PTPRN2: variants seen among roughly 807,000 people sequenced by gnomAD.
PTPRN2 encodes protein tyrosine phosphatase receptor type N2.
Under a neutral mutation model 118.8 loss-of-function variants are expected in PTPRN2, and 74 were observed. That is an observed-to-expected ratio of 0.62 (90% CI 0.52 to 0.76). PTPRN2 has a LOEUF of 0.76. Ranked by LOEUF, PTPRN2 falls within the 30% of genes least tolerant of loss-of-function variation. The probability of loss-of-function intolerance (pLI) is 0.00; values close to 1 mark genes in which losing one functional copy is unlikely to be tolerated. For synonymous variants in PTPRN2, 641 were observed against 608.0 expected (o/e 1.05, Z -0.80); for missense variants, 1,481 against 1,394.4 (o/e 1.06, Z -0.99).
chr7:158,128,148 G>A (rs1312088830), intron 9 of PTPRN2, among the ~76,000 whole-genome samples: 1 of 152,172 alleles, frequency 6.6e-6, no homozygotes. Context: ...TGCCATCTGT[G>A]TCTTGGAAAT....
At chr7:157,542,348 G>T (rs1331671803) in intron 22 of PTPRN2, among the ~76,000 whole-genome samples, 1 of 152,142 alleles carries the variant, frequency 6.6e-6, no homozygotes, top group Non-Finnish European at 1.5e-5. Context: ...ATTAAGCGTG[G>T]CTTTTTGGGA....
intron 11 of PTPRN2, chr7:158,030,487 T>C (rs1364352799): frequency 6.6e-6 from 1 of 152,238 alleles, no homozygotes; most frequent in African/African-American, 2.4e-5. Flanking sequence ...GATTTGGAAA[T>C]GGTCTCCGAA....
At chr7:158,019,551 T>G (rs1404566275) in intron 11 of PTPRN2, among the ~76,000 whole-genome samples, 7 of 152,220 alleles carry the variant, frequency 4.6e-5, no homozygotes, top group Non-Finnish European at 1.0e-4. Context: ...TTTTCCTTCC[T>G]TAGTATCTTT....
chr7:157,786,194 G>T (rs1804027562), intron 12 of PTPRN2, among the ~76,000 whole-genome samples: 1 of 152,218 alleles, frequency 6.6e-6, no homozygotes, highest in Non-Finnish European at 1.5e-5. Flanking sequence ...ACGGGGAACG[G>T]CACAGGTAAT....
intron 2 of PTPRN2, among the ~76,000 whole-genome samples, chr7:158,318,568 C>T (rs547831870): frequency 6.6e-6 from 1 of 152,298 alleles, no homozygotes; most frequent in African/African-American, 2.4e-5. Flanking sequence ...AGGCCAGGGC[C>T]GGCGGCCTCT....
At chr7:157,544,092 AAGAGAGGCGGAGAGAGGTGG>A (rs1563198726) in intron 22 of PTPRN2, among the ~76,000 whole-genome samples, 2 of 81,914 alleles carry the variant, frequency 2.4e-5, no homozygotes, top group African/African-American at 9.6e-5. Flanking sequence ...GAGAGAGGTG[AAGAGAGGCGGAGAGAGGTGG>A]AGAGAGATGG....
intron 22 of PTPRN2, among the ~76,000 whole-genome samples, chr7:157,547,697 G>A (rs1012464417): frequency 1.3e-5 from 2 of 152,160 alleles, no homozygotes; most frequent in Non-Finnish European, 2.9e-5. Flanking sequence ...ACGCAGCCAC[G>A]CAGAAGCCTC....
At chr7:158,342,216 A>G (rs1366710402) in intron 2 of PTPRN2, among the ~76,000 whole-genome samples, 3 of 118,462 alleles carry the variant, frequency 2.5e-5, no homozygotes, top group Non-Finnish European at 5.0e-5. Context: ...CACACACGTC[A>G]CTCACACTCA....
intron 12 of PTPRN2, among the ~76,000 whole-genome samples, chr7:157,730,087 C>T (rs1799807563): frequency 6.6e-6 from 1 of 152,134 alleles, no homozygotes; most frequent in South Asian, 2.1e-4. Flanking sequence ...GTAAAGTCCA[C>T]ATTCGCATAA....
chr7:158,445,599 T>C (rs1487220336), intron 2 of PTPRN2, among the ~76,000 whole-genome samples: 1 of 152,144 alleles, frequency 6.6e-6, no homozygotes, highest in African/African-American at 2.4e-5. Flanking sequence ...CCCCAGCCCA[T>C]AACGGGGCCG....
intron 2 of PTPRN2, among the ~76,000 whole-genome samples, chr7:158,364,146 GC>G (rs1563203221): frequency 1.3e-5 from 2 of 150,970 alleles, no homozygotes; most frequent in Admixed American, 1.3e-4. Context: ...GGTCTGCAGA[GC>G]CCCCATCCTC....
intron 12 of PTPRN2, among the ~76,000 whole-genome samples, chr7:157,875,827 G>A (rs1168966946): frequency 3.0e-4 from 45 of 151,212 alleles, no homozygotes; most frequent in Middle Eastern, 3.4e-3. Flanking sequence ...AGGAGGGGCC[G>A]AGCCCCCAGG....
At chr7:158,522,235 A>G (rs868236347) in intron 1 of PTPRN2, among the ~76,000 whole-genome samples, 18 of 49,402 alleles carry the variant, frequency 3.6e-4, no homozygotes, top group South Asian at 8.9e-4. Context: ...GTGGCTCAGG[A>G]GGGAGGTCCA....
At chr7:157,872,976 GTC>G (rs764017969) in intron 12 of PTPRN2, among the ~76,000 whole-genome samples, 4 of 152,140 alleles carry the variant, frequency 2.6e-5, no homozygotes, top group Admixed American at 6.5e-5. Flanking sequence ...ACACTTTTCT[GTC>G]TGCACTAGAA....
At chr7:158,420,293 A>C (rs975619503) in intron 2 of PTPRN2, among the ~76,000 whole-genome samples, 3 of 152,170 alleles carry the variant, frequency 2.0e-5, no homozygotes, top group African/African-American at 7.2e-5. Context: ...TCTTCAGCCA[A>C]CACCACAGGC....
chr7:157,939,509 G>C (rs1424328818), intron 11 of PTPRN2, among the ~76,000 whole-genome samples: 1 of 152,276 alleles, frequency 6.6e-6, no homozygotes, highest in African/African-American at 2.4e-5. Flanking sequence ...AGCTCACCAA[G>C]TGCCAGGATT....
At chr7:158,212,917 T>C (rs1347863934) in intron 3 of PTPRN2, among the ~76,000 whole-genome samples, 1 of 152,196 alleles carries the variant, frequency 6.6e-6, no homozygotes, top group Non-Finnish European at 1.5e-5. Context: ...AAGAGCTTTA[T>C]AACAAGGGTG....
intron 2 of PTPRN2, among the ~76,000 whole-genome samples, chr7:158,394,023 T>G (rs912213481): frequency 3.5e-5 from 5 of 142,958 alleles, no homozygotes; most frequent in African/African-American, 1.3e-4. Flanking sequence ...CCCACCCCCA[T>G]GGACACCTCG....
intron 12 of PTPRN2, among the ~76,000 whole-genome samples, chr7:157,888,251 C>A (rs367879313): frequency 6.6e-6 from 1 of 151,986 alleles, no homozygotes; most frequent in South Asian, 2.1e-4. Context: ...TTGGTGTGAC[C>A]CAGCATTACC....
Sources: gnomAD v4.1 joint callset for allele counts (sites outside exome capture counted in the v4.1 genomes callset) on GRCh38, gnomAD v4.1.1 for gene constraint, MANE v1.5 for transcripts, NCBI Gene and HGNC (gene_info 2026-07-23, HGNC 2026-07-21) for gene names.